ITGB8: variants seen among roughly 807,000 people sequenced by gnomAD.
ITGB8 encodes the protein integrin subunit beta 8, also known as integrin beta-8.
ITGB8 carries 30 observed loss-of-function variants against 89.5 expected under a neutral mutation model. The observed-to-expected ratio is 0.34, with a 90% CI of 0.25 to 0.45. The LOEUF is 0.45. ITGB8 is among the 20% of genes least tolerant of loss of function. The pLI, the probability that ITGB8 is intolerant of heterozygous loss-of-function variation, is 1.00. For synonymous variants in ITGB8, 335 were observed against 320.4 expected, an observed-to-expected ratio of 1.05 and a Z score of -0.49; for missense variants, 836 against 933.3, an observed-to-expected ratio of 0.90 and a Z score of 1.36.
chr7:20,392,211 A>G (rs1377746217), intron 7 of ITGB8, among the ~76,000 whole-genome samples: 2 of 152,132 alleles, frequency 1.3e-5, no homozygotes, highest in Non-Finnish European at 2.9e-5. Flanking sequence ...ATTTTCATGA[A>G]GCTATGACAC....
intron 7 of ITGB8, 96 bp downstream of exon 7, chr7:20,391,594 ATTATAC>A: frequency 1.7e-6 from 1 of 597,630 alleles, no homozygotes; most frequent in African/African-American, 1.9e-5. Context: ...TTCTGGAATT[ATTATAC>A]TTTGTACAAT....
chr7:20,362,809 G>A (rs1218908341), intron 1 of ITGB8, among the ~76,000 whole-genome samples: 1 of 152,136 alleles, frequency 6.6e-6, no homozygotes, highest in African/African-American at 2.4e-5. Flanking sequence ...GACTCATTCT[G>A]TATCATAGTT....
chr7:20,359,340 C>T (rs371329873), intron 1 of ITGB8, among the ~76,000 whole-genome samples: 3 of 152,024 alleles, frequency 2.0e-5, no homozygotes, highest in Non-Finnish European at 2.9e-5. Context: ...ATGCAGTGTT[C>T]GAATATAAAG....
rs760502836 is a variant in ITGB8, at chr7:20,379,205, C to T, written c.543C>T (p.Ser181=). The change falls in exon 4 of 14, where the codon TCC becomes TCT. Residue 181 remains serine (S), a synonymous_variant. Transcript: ENST00000222573. The part of the protein sequence containing the change: ...NDLSRKMAFF[S]RDFRLGFGSY... ...TATCTAGAAAAATGGCATTTTTCTC[C>T]CGTGACTTTCGTCTTGGATTTGGCT... 9.9e-6 allele frequency: 16 copies of T among 1,611,840 alleles called. No homozygotes were observed. The South Asian group carries it at 1.8e-4, about 18-fold the overall frequency.
At chr7:20,343,785 T>A (rs1481466645) in intron 1 of ITGB8, among the ~76,000 whole-genome samples, 1 of 152,194 alleles carries the variant, frequency 6.6e-6, no homozygotes, top group African/African-American at 2.4e-5. Context: ...TATAGGAGAA[T>A]CCTGGTCACC....
chr7:20,335,643 T>A (rs1193546403), intron 1 of ITGB8, among the ~76,000 whole-genome samples: 1 of 152,182 alleles, frequency 6.6e-6, no homozygotes, highest in Non-Finnish European at 1.5e-5. Flanking sequence ...CTTGAAAGAG[T>A]TGTCCGTAAC....
chr7:20,406,035 T>G, intron 11 of ITGB8, 27 bp from the exon 12 acceptor site: 2 of 1,311,684 alleles, frequency 1.5e-6, no homozygotes, highest in African/African-American at 2.9e-5. Context: ...AAAGAATAAA[T>G]ATTTTCACTT....
chr7:20,411,747 A>C lies in ITGB8; in HGVS notation c.*1750A>C, dbSNP rs1169086686. On this transcript the variant is annotated 3_prime_UTR_variant, in exon 14 of 14. Coordinates refer to ENST00000222573, the MANE Select transcript of ITGB8 (RefSeq NM_002214.3). ...GTCCATAATCAGCTTCCAGTCTTTCATGCTAATCAGCTTCTTAAGAGACTG... is the reference window on the plus strand; with the variant it reads ...GTCCATAATCAGCTTCCAGTCTTTCCTGCTAATCAGCTTCTTAAGAGACTG... The C allele has an allele frequency of 1.3e-5, 2 of 152,472 alleles. No individual in the cohort carries two copies. Among genetic ancestry groups the C allele is most frequent in the African/African-American group, 4.8e-5 (2 of 41,472 alleles). The allele number at this position is 152,472 out of a possible 1,614,324, so 9.4% of individuals were successfully genotyped here. A position where few individuals can be genotyped will look rare whatever the true frequency, so the allele number is the denominator to read the frequency against.
rs73086574 is a variant in ITGB8 at position 20,349,631 on chromosome 7, G to A, written c.128-14006G>A. On this transcript the variant is annotated intron_variant, in intron 1 of 13. Transcript: ENST00000222573. ...TAAAAGGATATGTAAATCAAATGCC[G>A]TATATGCCGTATAGGGATAAACAAC... 5.3e-5 allele frequency among the ~76,000 whole-genome samples: 8 copies of A among 152,118 alleles called. No individual in the cohort carries two copies. The South Asian group carries it at 6.2e-4, about 12-fold the overall frequency.
In ITGB8 at chr7:20,412,967, A is replaced by G. The variant is rs1247692135; in HGVS notation, c.*2970A>G. ...GTTAACAGAATTGAGAACTTGAACA[A>G]CACTTTTAGTACTGCAGCATTTTTG... On this transcript the variant is annotated 3_prime_UTR_variant, in exon 14 of 14. Transcript: ENST00000222573. The G allele has an allele frequency of 6.6e-6, 1 of 152,530 alleles. No individual in the cohort carries two copies. Among genetic ancestry groups the G allele is most frequent in the Non-Finnish European group, 1.5e-5 (1 of 67,992 alleles). 9.4% of individuals were successfully genotyped at this position (152,530 alleles called of 1,614,324 possible).
At position 20,402,078 on chromosome 7, in the gene ITGB8, G is replaced by T; in HGVS notation, c.1639G>T (p.Glu547Ter). 6.2e-7 allele frequency: 1 copy of T among 1,613,950 alleles called. No individual in the cohort carries two copies. Among genetic ancestry groups the T allele is most frequent in the South Asian group, 1.1e-5 (1 of 91,018 alleles). ...KLGKVYGKYC[E>*]KDDFSCPYHH... is the part of the protein sequence containing the mutation. ...TGGAAAAGTGTATGGAAAATACTGT[G>T]AAAAGGATGACTTTTCTTGTCCATA... Residue 547 changes from glutamate to a stop codon, truncating the protein, a stop_gained, in exon 10 of 14, where the codon GAA (glutamate) becomes TAA (stop). Transcript: ENST00000222573. LOFTEE classifies it high-confidence loss of function.
At chr7:20,376,959 G>T (rs1786174720) in intron 3 of ITGB8, among the ~76,000 whole-genome samples, 1 of 152,158 alleles carries the variant, frequency 6.6e-6, no homozygotes, top group South Asian at 2.1e-4. Context: ...CCAACCATTT[G>T]GCAGTGCTTT....
At chr7:20,330,260 T>C (rs1412057072), upstream of ITGB8, among the ~76,000 whole-genome samples, 2 of 152,010 alleles carry the variant, frequency 1.3e-5, no homozygotes, top group African/African-American at 4.8e-5. Context: ...GGGGCAGCCT[T>C]GTGGTGGGGT....
intron 1 of ITGB8, among the ~76,000 whole-genome samples, chr7:20,349,574 C>T (rs1256121053): frequency 6.6e-6 from 1 of 151,754 alleles, no homozygotes; most frequent in Non-Finnish European, 1.5e-5. Context: ...TCAATCCATA[C>T]AAAAAAGTAT....
intron 3 of ITGB8, among the ~76,000 whole-genome samples, chr7:20,368,337 AAGAG>A (rs1159843104): frequency 7.2e-5 from 11 of 152,196 alleles, no homozygotes; most frequent in African/African-American, 2.7e-4. Context: ...TTTTTAGAAA[AAGAG>A]AGACAGGGTG....
chr7:20,347,920 G>A (rs541959188), intron 1 of ITGB8, among the ~76,000 whole-genome samples: 1 of 152,342 alleles, frequency 6.6e-6, no homozygotes, highest in African/African-American at 2.4e-5. Flanking sequence ...CCCACTCAGT[G>A]TTGAAAGACA....
In ITGB8 at chr7:20,405,984, T is replaced by G. The variant is rs76882925; in HGVS notation, c.1914-78T>G. ...TTGTTTCTGCATTGTTATTTTGTCTTTTTTTTTCTTGCAGAAAATATTATA... is the reference window on the plus strand; with the variant it reads ...TTGTTTCTGCATTGTTATTTTGTCTGTTTTTTTCTTGCAGAAAATATTATA... On this transcript the variant is annotated intron_variant, in intron 11 of 13. Transcript: ENST00000222573. 3.3e-3 allele frequency: 2,862 copies of G among 864,616 alleles called. 65 individuals are homozygous for G. In the African/African-American group the frequency reaches 0.043, roughly 13 times the overall value. 53.6% of individuals were successfully genotyped at this position (864,616 alleles called of 1,614,324 possible).
chr7:20,348,189 AAG>A (rs1405726810), intron 1 of ITGB8, among the ~76,000 whole-genome samples: 1 of 152,184 alleles, frequency 6.6e-6, no homozygotes, highest in Non-Finnish European at 1.5e-5. Flanking sequence ...TTTGATAAGA[AAG>A]AATTAAAACA....
rs531748633 is a variant in ITGB8 at position 20,404,650 on chromosome 7, C to A, written c.1710C>A (p.Gly570=). 6.2e-7 allele frequency: 1 copy of A among 1,613,644 alleles called. No individual in the cohort carries two copies. The highest frequency in any genetic ancestry group is 1.3e-5 in the African/African-American group (1 of 74,904). The change falls in exon 11 of 14, where the codon GGC becomes GGA. Residue 570 remains glycine, a synonymous_variant. Coordinates refer to ENST00000222573, the MANE Select transcript of ITGB8 (RefSeq NM_002214.3). ...LCAGHGECEA[G]RCQCFSGWEG... ...CAGGGCATGGAGAGTGTGAAGCAGG[C>A]AGATGCCAATGCTTCAGTGGCTGGG...
Sources: gnomAD v4.1 joint callset for allele counts (sites outside exome capture counted in the v4.1 genomes callset) on GRCh38, gnomAD v4.1.1 for gene constraint, MANE v1.5 for transcripts, NCBI Gene and HGNC (gene_info 2026-07-23, HGNC 2026-07-21) for gene names.